ADAMTS6: variants seen among roughly 807,000 people sequenced by gnomAD.
The protein encoded by ADAMTS6 is A disintegrin and metalloproteinase with thrombospondin motifs 6.
In ADAMTS6, 23 loss-of-function variants were observed where a neutral mutation model predicts 144.3. That is an observed-to-expected ratio of 0.16 (90% CI 0.11 to 0.23). The LOEUF (loss-of-function observed/expected upper bound fraction) is 0.23. ADAMTS6 is among the 10% of genes least tolerant of loss of function. ADAMTS6 has a pLI of 1.00. For missense variants in ADAMTS6, 999 were observed against 1,379.6 expected (o/e 0.72, Z 4.37); for synonymous variants, 444 against 457.5 (o/e 0.97, Z 0.38).
chr5:65,368,736 C>T (rs1299462160), intron 7 of ADAMTS6, among the ~76,000 whole-genome samples: 2 of 152,118 alleles, frequency 1.3e-5, no homozygotes, highest in Non-Finnish European at 2.9e-5. Context: ...GACTGGCTAC[C>T]TCCAAACTTC....
At chr5:65,298,210 T>C (rs1724223854) in intron 10 of ADAMTS6, among the ~76,000 whole-genome samples, 1 of 152,056 alleles carries the variant, frequency 6.6e-6, no homozygotes, top group South Asian at 2.1e-4. Flanking sequence ...TCCTTGTATT[T>C]AGTATACAGA....
intron 7 of ADAMTS6, among the ~76,000 whole-genome samples, chr5:65,404,393 G>C (rs1754239325): frequency 6.6e-6 from 1 of 152,126 alleles, no homozygotes; most frequent in Non-Finnish European, 1.5e-5. Context: ...AGAACATATG[G>C]TGTTTGGTCT....
intron 9 of ADAMTS6, among the ~76,000 whole-genome samples, chr5:65,314,843 G>T (rs1387976351): frequency 6.6e-6 from 1 of 152,012 alleles, no homozygotes; most frequent in East Asian, 1.9e-4. Flanking sequence ...TTTTTTTAAA[G>T]CTCTTCAGGA....
At chr5:65,334,246 G>A (rs1358473921) in intron 7 of ADAMTS6, among the ~76,000 whole-genome samples, 161 bp from the exon 8 acceptor site, 1 of 152,086 alleles carries the variant, frequency 6.6e-6, no homozygotes, top group Non-Finnish European at 1.5e-5. Flanking sequence ...AGTGCTGAGG[G>A]ACACCACAGG....
intron 8 of ADAMTS6, among the ~76,000 whole-genome samples, chr5:65,329,998 T>A (rs1746565921): frequency 6.6e-6 from 1 of 152,104 alleles, no homozygotes; most frequent in South Asian, 2.1e-4. Context: ...AAAGGAGAAC[T>A]GTTAAAGATG....
intron 22 of ADAMTS6, among the ~76,000 whole-genome samples, chr5:65,187,453 T>C (rs945765445): frequency 1.3e-5 from 2 of 152,226 alleles, no homozygotes; most frequent in Non-Finnish European, 1.5e-5. Context: ...TTCAGCTCCA[T>C]GTTTCTTTCA....
At chr5:65,232,710 AC>A (rs1256165368) in intron 15 of ADAMTS6, among the ~76,000 whole-genome samples, 1 of 151,356 alleles carries the variant, frequency 6.6e-6, no homozygotes. Flanking sequence ...AAAAAAAAAA[AC>A]CTCTCATCAA....
chr5:65,353,976 C>T (rs1307371223), intron 7 of ADAMTS6, among the ~76,000 whole-genome samples: 1 of 151,862 alleles, frequency 6.6e-6, no homozygotes, highest in African/African-American at 2.4e-5. Flanking sequence ...TCTTTTTGGA[C>T]TGGTATCAAG....
intron 10 of ADAMTS6, chr5:65,297,386 A>G (rs1742942677): frequency 2.7e-6 from 1 of 369,668 alleles, no homozygotes; most frequent in Non-Finnish European, 5.2e-6. Context: ...GTGAATCTCT[A>G]TAAATCATAG....
chr5:65,278,823 A>G (rs1347546639), intron 11 of ADAMTS6, among the ~76,000 whole-genome samples: 3 of 152,224 alleles, frequency 2.0e-5, no homozygotes, highest in African/African-American at 7.2e-5. Context: ...AATTGAATAT[A>G]CTAGGCTGAC....
chr5:65,416,302 GAT>G (rs1755503155), intron 7 of ADAMTS6: 2 of 152,846 alleles, frequency 1.3e-5, no homozygotes, highest in African/African-American at 4.8e-5. Context: ...AAGTGTTGGT[GAT>G]GATGTGAAGA....
At chr5:65,152,202 TG>T (rs1752177425) in intron 24 of ADAMTS6, among the ~76,000 whole-genome samples, 1 of 152,216 alleles carries the variant, frequency 6.6e-6, no homozygotes, top group South Asian at 2.1e-4. Context: ...ATAAGTATGG[TG>T]TATGCCCACT....
Position 65,202,379 on chromosome 5 carries a change from C to T in ADAMTS6, c.2576-5228G>A, listed in dbSNP as rs76162586. 2.5e-3 allele frequency among the ~76,000 whole-genome samples: 378 copies of T among 152,240 alleles called. 2 individuals carry two copies. Among genetic ancestry groups the T allele is most frequent in the African/African-American group, 8.8e-3 (364 of 41,526 alleles). On this transcript the variant is annotated intron_variant, in intron 20 of 24. Transcript: ENST00000381055. Reference sequence around the variant, plus strand: ...CTGAGCTTATCCCTGGAGAGAATTCCTATTACTCCTTAGCTATTAAGAGTA... The same window carrying T: ...CTGAGCTTATCCCTGGAGAGAATTCTTATTACTCCTTAGCTATTAAGAGTA...
At chr5:65,264,951 G>A (rs1006221316) in intron 12 of ADAMTS6, among the ~76,000 whole-genome samples, 5 of 152,072 alleles carry the variant, frequency 3.3e-5, no homozygotes, top group African/African-American at 9.7e-5. Flanking sequence ...TCACATGGCA[G>A]GAAGGAACTG....
chr5:65,225,151 A>G (rs1757636914), intron 16 of ADAMTS6, 104 bp from the exon 17 acceptor site: 4 of 1,330,982 alleles, frequency 3.0e-6, no homozygotes, highest in Non-Finnish European at 4.0e-6. Context: ...TCCAGTAAAG[A>G]AAAGAAAAAT....
chr5:65,156,653 A>G (rs1752437460), intron 24 of ADAMTS6, among the ~76,000 whole-genome samples: 1 of 152,210 alleles, frequency 6.6e-6, no homozygotes. Context: ...TCTGTAGTTA[A>G]TTTGTTTTGA....
intron 14 of ADAMTS6, among the ~76,000 whole-genome samples, chr5:65,243,969 A>G (rs1483831557): frequency 6.6e-6 from 1 of 152,138 alleles, no homozygotes; most frequent in South Asian, 2.1e-4. Flanking sequence ...AACGACCATG[A>G]AAAAAGAACC....
intron 20 of ADAMTS6, among the ~76,000 whole-genome samples, chr5:65,208,693 T>C (rs1275782341): frequency 6.6e-6 from 1 of 152,206 alleles, no homozygotes; most frequent in Non-Finnish European, 1.5e-5. Context: ...AAATGAAATA[T>C]AGTACCAGAA....
intron 11 of ADAMTS6, among the ~76,000 whole-genome samples, chr5:65,282,190 A>G (rs1763038598): frequency 6.6e-6 from 1 of 152,122 alleles, no homozygotes; most frequent in South Asian, 2.1e-4. Flanking sequence ...TGGCCCCAGG[A>G]GATCCTAAGA....
Sources: gnomAD v4.1 joint callset for allele counts (sites outside exome capture counted in the v4.1 genomes callset) on GRCh38, gnomAD v4.1.1 for gene constraint, MANE v1.5 for transcripts, NCBI Gene and HGNC (gene_info 2026-07-23, HGNC 2026-07-21) for gene names.